The following VLDLR variants were observed in gnomAD, a reference collection of about 807,000 sequenced individuals.
The protein encoded by VLDLR is very low density lipoprotein receptor.
VLDLR carries 81 observed loss-of-function variants against 112.7 expected under a neutral mutation model. The ratio of observed to expected loss-of-function variants is 0.72; its 90% CI spans 0.60 to 0.86. The LOEUF is 0.86. VLDLR is among the 40% of genes least tolerant of loss of function. VLDLR has a pLI of 0.00. For synonymous variants in VLDLR, 436 were observed against 384.8 expected (o/e 1.13, Z -1.56); for missense variants, 1,237 against 1,099.4 (o/e 1.13, Z -1.77).
At position 2,657,105 on chromosome 9, in the gene VLDLR, A is replaced by G. The variant is rs1818639436; in HGVS notation, c.*3237A>G. The G allele has an allele frequency of 6.6e-6, 1 of 152,178 alleles. No homozygotes were observed. Among genetic ancestry groups the G allele is most frequent in the Non-Finnish European group, 1.5e-5 (1 of 68,028 alleles). 9.4% of individuals were successfully genotyped at this position (152,178 alleles called of 1,614,324 possible). On this transcript the variant is annotated 3_prime_UTR_variant, in exon 19 of 19. Transcript: ENST00000382100. The stretch of plus-strand genomic sequence containing the variant: ...AAAGACTAACTCTTCAGTTAAGAAC[A>G]CTGTAGAAATGGTAGACCAACTTAA...
rs58427374 is a variant in VLDLR at position 2,657,649 on chromosome 9, C to G, written c.*3781C>G. On this transcript the variant is annotated 3_prime_UTR_variant, in exon 19 of 19. Coordinates refer to ENST00000382100, the MANE Select transcript of VLDLR (RefSeq NM_003383.5). ...AATAGCAGCGATAGTTGCGTCAGTG[C>G]TAACTGCTGCTGCTGCCCGTTCTGT... The G allele has an allele frequency of 0.046, 7,039 of 152,330 alleles. 573 individuals are homozygous for G. The highest frequency in any genetic ancestry group is 0.16 in the African/African-American group (6,567 of 41,518). The allele number at this position is 152,330 out of a possible 1,614,324, so 9.4% of individuals were successfully genotyped here.
At chr9:2,649,260 G>C (rs1818208159) in intron 14 of VLDLR, among the ~76,000 whole-genome samples, 1 of 152,176 alleles carries the variant, frequency 6.6e-6, no homozygotes. Flanking sequence ...AGGAGGGTTG[G>C]TGCCTCTTGA....
At chr9:2,627,412 C>T (rs1271818033) in intron 1 of VLDLR, among the ~76,000 whole-genome samples, 5 of 152,110 alleles carry the variant, frequency 3.3e-5, no homozygotes, top group Non-Finnish European at 7.3e-5. Context: ...GTAAAATCTG[C>T]GTCTGATATA....
chr9:2,641,699 G>A (rs924815492), intron 4 of VLDLR, among the ~76,000 whole-genome samples, 200 bp downstream of exon 4: 1 of 152,168 alleles, frequency 6.6e-6, no homozygotes, highest in African/African-American at 2.4e-5. Context: ...CCATCGCTTG[G>A]TGTTTCTTTT....
intron 1 of VLDLR, among the ~76,000 whole-genome samples, chr9:2,624,422 A>G (rs547392656): frequency 6.6e-6 from 1 of 152,340 alleles, no homozygotes; most frequent in East Asian, 1.9e-4. Flanking sequence ...ACTCCTGGAC[A>G]AGACAGGTGA....
rs528390255 is a variant in VLDLR at position 2,648,523 on chromosome 9, T to C, written c.1963-146T>C. ...TCCCAGAAGCACTCCACACCTAAACTTGATTCTTTTACAGTTTTATATCCA... is the reference window on the plus strand; with the variant it reads ...TCCCAGAAGCACTCCACACCTAAACCTGATTCTTTTACAGTTTTATATCCA... On this transcript the variant is annotated intron_variant, in intron 13 of 18. Coordinates refer to ENST00000382100, the MANE Select transcript of VLDLR (RefSeq NM_003383.5). The C allele has an allele frequency of 1.8e-5, 28 of 1,523,360 alleles. No homozygotes were observed. In the African/African-American group the frequency reaches 3.6e-4, roughly 19 times the overall value. 94.4% of individuals were successfully genotyped at this position (1,523,360 alleles called of 1,614,324 possible). A position where few individuals can be genotyped will look rare whatever the true frequency, so the allele number is the denominator to read the frequency against.
At chr9:2,648,519 AAACTTG>A in intron 13 of VLDLR, 144 bp from the exon 14 acceptor site, 1 of 1,517,776 alleles carries the variant, frequency 6.6e-7, no homozygotes, top group Non-Finnish European at 9.1e-7. Flanking sequence ...CTCCACACCT[AAACTTG>A]ATTCTTTTAC....
Position 2,643,403 on chromosome 9 carries a change from G to T in VLDLR, c.692G>T (p.Arg231Leu). ...GATGAGTCCCTGGAGCAGTGTGGCC[G>T]TCAGCCAGTCATACACACCAAGTGT... Reference protein sequence around the residue: ...QSDESLEQCGRQPVIHTKCPA... With the variant: ...QSDESLEQCGLQPVIHTKCPA... The change falls in exon 5 of 19, where the codon CGT (arginine) becomes CTT (leucine). Residue 231 changes from arginine to leucine, a missense_variant. Physicochemically the swap from Arg to Leu is moderately radical, Grantham distance 102 (BLOSUM62 -2). Transcript: ENST00000382100. 1 of 1,614,102 alleles carries T rather than the reference G, an allele frequency of 6.2e-7. No individual in the cohort carries two copies. Among genetic ancestry groups the T allele is most frequent in the South Asian group, 1.1e-5 (1 of 91,072 alleles).
rs542114237 is a variant in VLDLR, at chr9:2,622,839, C to G, written c.82+568C>G. ...CGGCGGCCGGGAGGCTCCGCGGAGC[C>G]GAGGGCACCCGGACTGCGACTCCCC... On this transcript the variant is annotated intron_variant, in intron 1 of 18. Coordinates refer to ENST00000382100, the MANE Select transcript of VLDLR (RefSeq NM_003383.5). Among the ~76,000 whole-genome samples, 204 of 152,184 alleles carry G rather than the reference C, an allele frequency of 1.3e-3. 1 individual carries two copies. The highest frequency in any genetic ancestry group is 0.01 in the Middle Eastern group (3 of 292).
chr9:2,647,441 ACT>A (rs1313013064), intron 11 of VLDLR, 31 bp from the exon 12 acceptor site: 1 of 1,584,352 alleles, frequency 6.3e-7, no homozygotes, highest in South Asian at 1.1e-5. Flanking sequence ...CTTCTAAACC[ACT>A]GAGGCTTATT....
Position 2,626,080 on chromosome 9 carries a change from A to G in VLDLR, c.82+3809A>G, listed in dbSNP as rs183235888. ...TTAAGTACACTAACTGCACTGCAGG[A>G]ACCAAATGAGATGGCAGGTGATAAC... On this transcript the variant is annotated intron_variant, in intron 1 of 18. Coordinates refer to ENST00000382100, the MANE Select transcript of VLDLR (RefSeq NM_003383.5). Among the ~76,000 whole-genome samples, 1,115 of 152,392 alleles carry G rather than the reference A, an allele frequency of 7.3e-3. 14 individuals carry two copies. The highest frequency in any genetic ancestry group is 8.9e-3 in the Non-Finnish European group (605 of 68,046).
chr9:2,649,275 T>C (rs1818208856), intron 14 of VLDLR, among the ~76,000 whole-genome samples: 1 of 152,218 alleles, frequency 6.6e-6, no homozygotes. Context: ...TCTTGAGGGC[T>C]GTGAGGGAAG....
chr9:2,645,140 G>T (rs1035539495), intron 9 of VLDLR, 58 bp downstream of exon 9: 2 of 1,612,182 alleles, frequency 1.2e-6, no homozygotes, highest in African/African-American at 2.7e-5. Context: ...GCCTCTAAAA[G>T]GTACAGCCAG....
intron 1 of VLDLR, among the ~76,000 whole-genome samples, chr9:2,632,825 TA>T (rs1817416779): frequency 6.6e-6 from 1 of 152,114 alleles, no homozygotes; most frequent in African/African-American, 2.4e-5. Context: ...TTCTGCCCAG[TA>T]GCAGTCCCTC....
At position 2,650,455 on chromosome 9, in the gene VLDLR, A is replaced by C. The variant is rs757553073; in HGVS notation, c.2190A>C (p.Pro730=). The change falls in exon 15 of 19, where the codon CCA becomes CCC. Residue 730 remains proline (P), a synonymous_variant. Coordinates refer to ENST00000382100, the MANE Select transcript of VLDLR (RefSeq NM_003383.5). ...CACCACAGATTAATGATCACTCTCC[A>C]AAATATACCTGTTCCTGTCCCAGTG... is the stretch of plus-strand genomic sequence containing the variant. ...LPAPQINDHS[P]KYTCSCPSGY... is the part of the protein sequence containing the mutation. 5 of 1,614,148 alleles carry C rather than the reference A, an allele frequency of 3.1e-6. No individual in the cohort carries two copies. The highest frequency in any genetic ancestry group is 3.4e-6 in the Non-Finnish European group (4 of 1,180,022).
Position 2,657,255 on chromosome 9 carries a change from A to T in VLDLR, c.*3387A>T, listed in dbSNP as rs1818643265. 1 of 152,174 alleles carries T rather than the reference A, an allele frequency of 6.6e-6. No individual in the cohort carries two copies. Among genetic ancestry groups the T allele is most frequent in the South Asian group, 2.1e-4 (1 of 4,832 alleles). The allele number at this position is 152,174 out of a possible 1,614,324, so 9.4% of individuals were successfully genotyped here. ...TAGTGAAATCTTACCCAAGTAAAAC[A>T]ATTTATTATTTTGAATCCAAATGAA... is the stretch of plus-strand genomic sequence containing the variant. On this transcript the variant is annotated 3_prime_UTR_variant, in exon 19 of 19. Coordinates refer to ENST00000382100, the MANE Select transcript of VLDLR (RefSeq NM_003383.5).
At chr9:2,635,656 A>G (rs757904719) in intron 2 of VLDLR, 84 bp downstream of exon 2, 25 of 1,595,548 alleles carry the variant, frequency 1.6e-5, no homozygotes, top group East Asian at 2.2e-5. Context: ...TTCTGAAAAT[A>G]AAATCCACTT....
intron 1 of VLDLR, among the ~76,000 whole-genome samples, chr9:2,633,895 A>T (rs1817480031): frequency 6.6e-6 from 1 of 152,206 alleles, no homozygotes; most frequent in Non-Finnish European, 1.5e-5. Flanking sequence ...TTGGTTTAGC[A>T]GTATAAAACA....
At chr9:2,651,024 C>T (rs936948785) in intron 15 of VLDLR, among the ~76,000 whole-genome samples, 6 of 152,076 alleles carry the variant, frequency 3.9e-5, no homozygotes, top group African/African-American at 1.4e-4. Flanking sequence ...TTTTTATTAG[C>T]GTAATTCATG....
Sources: allele counts gnomAD v4.1 joint callset (sites outside exome capture counted in the v4.1 genomes callset), GRCh38; gene constraint gnomAD v4.1.1; transcripts MANE v1.5; gene names NCBI Gene and HGNC (gene_info 2026-07-23, HGNC 2026-07-21).